The following ASS1 variants were observed in gnomAD, a reference collection of about 807,000 sequenced individuals.
The protein encoded by ASS1 is argininosuccinate synthase.
In ASS1, 58 loss-of-function variants were observed where a neutral mutation model predicts 60.5. The observed-to-expected ratio is 0.96, with a 90% CI of 0.78 to 1.19. The LOEUF (loss-of-function observed/expected upper bound fraction) is 1.19, where lower values mean the gene tolerates loss of function less well. Among genes scored for constraint, ASS1 ranks in the 50% most tolerant of loss-of-function variants. ASS1 has a pLI of 0.00. For missense variants in ASS1, 454 were observed against 547.3 expected (o/e 0.83, Z 1.70); for synonymous variants, 200 against 206.9 (o/e 0.97, Z 0.29).
At position 130,458,564 on chromosome 9, in the gene ASS1, A is replaced by G. The variant is rs146176455; in HGVS notation, c.338A>G (p.Tyr113Cys). 3.1e-6 allele frequency: 5 copies of G among 1,613,126 alleles called. No homozygotes were observed. The highest frequency in any genetic ancestry group is 1.1e-5 in the South Asian group (1 of 91,038). The change falls in exon 4 of 15, where the codon TAT (tyrosine) becomes TGT (cysteine). Residue 113 changes from tyrosine (Y) to cysteine (C), a missense_variant. Tyr to Cys is a radical substitution (Grantham distance 194, BLOSUM62 -2). Coordinates refer to ENST00000352480, the MANE Select transcript of ASS1 (RefSeq NM_054012.4). ...ATCGCCCAGCGGGAGGGGGCCAAGTATGTGTCCCACGGCGCCACAGGAAAG... is the reference window on the plus strand; with the variant it reads ...ATCGCCCAGCGGGAGGGGGCCAAGTGTGTGTCCCACGGCGCCACAGGAAAG... ...VEIAQREGAK[Y>C]VSHGATGKGN...
At chr9:130,446,740 C>T (rs913314143) in intron 1 of ASS1, among the ~76,000 whole-genome samples, 1 of 152,224 alleles carries the variant, frequency 6.6e-6, no homozygotes, top group Non-Finnish European at 1.5e-5. Flanking sequence ...TCATCTTTGG[C>T]CTGCTGGGAG....
intron 1 of ASS1, among the ~76,000 whole-genome samples, chr9:130,447,005 T>C (rs1845211278): frequency 6.6e-6 from 1 of 152,208 alleles, no homozygotes; most frequent in African/African-American, 2.4e-5. Context: ...AATGTGCCCT[T>C]CGTCCATCAC....
In ASS1 at chr9:130,491,867, C is replaced by T. The variant is rs1433360486; in HGVS notation, c.970+2403C>T. 6.6e-6 allele frequency among the ~76,000 whole-genome samples: 1 copy of T among 152,146 alleles called. No homozygotes were observed. Among genetic ancestry groups the T allele is most frequent in the Non-Finnish European group, 1.5e-5 (1 of 68,024 alleles). On this transcript the variant is annotated intron_variant, in intron 12 of 14. Coordinates refer to ENST00000352480, the MANE Select transcript of ASS1 (RefSeq NM_054012.4). This position sits in a 1 kb window ranked among gnomAD's most constrained non-coding sequence, Gnocchi z 5.3. ...CCCTGGTCCGCTGACATGCAGGGCC[C>T]CACAAACATCAAGATCGGCCTCGGG...
chr9:130,471,727 C>A (rs887666633), intron 8 of ASS1, among the ~76,000 whole-genome samples: 2 of 152,244 alleles, frequency 1.3e-5, no homozygotes, highest in Non-Finnish European at 2.9e-5. Context: ...TCCCCCCGCC[C>A]TTCCTCTTCT....
At chr9:130,448,674 G>A (rs575332617) in intron 1 of ASS1, among the ~76,000 whole-genome samples, 10 of 152,150 alleles carry the variant, frequency 6.6e-5, no homozygotes, top group South Asian at 4.1e-4. Context: ...AGCGATTCTC[G>A]TGCCTCAGCC....
Position 130,460,429 on chromosome 9 carries a change from C to T in ASS1, c.363+1840C>T, listed in dbSNP as rs116092815. Among the ~76,000 whole-genome samples the T allele has an allele frequency of 7.0e-3, 1,068 of 152,256 alleles. 15 individuals carry two copies. The highest frequency in any genetic ancestry group is 0.025 in the African/African-American group (1,026 of 41,524). Reference sequence around the variant, plus strand: ...GGCTCATTGCGTACCTTCAGAGAGCCCATTTCCTGGCAAGAGAAGAGAAAA... The same window carrying T: ...GGCTCATTGCGTACCTTCAGAGAGCTCATTTCCTGGCAAGAGAAGAGAAAA... On this transcript the variant is annotated intron_variant, in intron 4 of 14. Transcript: ENST00000352480.
In ASS1 at chr9:130,466,800, G is replaced by A; in HGVS notation, c.495+1G>A. 6.2e-7 allele frequency: 1 copy of A among 1,613,970 alleles called. No homozygotes were observed. Among genetic ancestry groups the A allele is most frequent in the South Asian group, 1.1e-5 (1 of 91,082 alleles). Reference sequence around the variant, plus strand: ...CAATGACCTGATGGAGTACGCAAAGGTATGGCCGAGTCTCCCCACCACCCC... The same window carrying A: ...CAATGACCTGATGGAGTACGCAAAGATATGGCCGAGTCTCCCCACCACCCC... On this transcript the variant is annotated splice_donor_variant, in intron 6 of 14. Coordinates refer to ENST00000352480, the MANE Select transcript of ASS1 (RefSeq NM_054012.4). LOFTEE classifies it high-confidence loss of function.
At chr9:130,466,614 T>C (rs1420699443) in intron 5 of ASS1, 111 bp from the exon 6 acceptor site, 1 of 1,001,688 alleles carries the variant, frequency 1.0e-6, no homozygotes, top group Non-Finnish European at 1.6e-6. Flanking sequence ...TCTGGGGACA[T>C]GCTGGAGACC....
chr9:130,474,201 T>C (rs1372590508), intron 8 of ASS1, among the ~76,000 whole-genome samples: 5 of 151,836 alleles, frequency 3.3e-5, no homozygotes, highest in Non-Finnish European at 7.4e-5. Context: ...AGGCAGGCGC[T>C]CGAGCCACCG....
chr9:130,473,789 G>A (rs868134990), intron 8 of ASS1, among the ~76,000 whole-genome samples: 36 of 152,282 alleles, frequency 2.4e-4, no homozygotes, highest in African/African-American at 7.5e-4. Context: ...GGGCAATGAG[G>A]CAGCTAATGC....
Position 130,478,325 on chromosome 9 carries a change from G to A in ASS1, c.688+1364G>A, listed in dbSNP as rs1316920706. On this transcript the variant is annotated intron_variant, in intron 9 of 14. Coordinates refer to ENST00000352480, the MANE Select transcript of ASS1 (RefSeq NM_054012.4). The surrounding 1 kb of genome is among the most constrained non-coding windows in gnomAD (Gnocchi z 4.7). ...GGAGTGGCCCCAGCAGCACCTCCTG[G>A]CTCCCTGCACAGGGCTCCCAGGAGC... Among the ~76,000 whole-genome samples the A allele has an allele frequency of 6.6e-6, 1 of 152,118 alleles. No individual in the cohort carries two copies. Among genetic ancestry groups the A allele is most frequent in the Non-Finnish European group, 1.5e-5 (1 of 68,010 alleles).
At chr9:130,500,920 A>G in intron 14 of ASS1, 56 bp from the exon 15 acceptor site, 2 of 1,569,380 alleles carry the variant, frequency 1.3e-6, no homozygotes, top group Non-Finnish European at 1.8e-6. Flanking sequence ...AATTGAACCC[A>G]GTGTGTGTTG....
Position 130,499,573 on chromosome 9 carries a change from G to C in ASS1, c.1193+3G>C. 1 of 1,612,834 alleles carries C rather than the reference G, an allele frequency of 6.2e-7. No homozygotes were observed. Among genetic ancestry groups the C allele is most frequent in the Non-Finnish European group, 8.5e-7 (1 of 1,179,450 alleles). On this transcript the variant is annotated splice_donor_region_variant and intron_variant, in intron 14 of 14. Transcript: ENST00000352480. ...TTCATCAACATCAATTCCCTCAGGT[G>C]AGAAGCTCAGGGCCCTGACGGGCCT... is the stretch of plus-strand genomic sequence containing the variant.
At chr9:130,498,053 T>C (rs1846647804) in intron 13 of ASS1, among the ~76,000 whole-genome samples, 1 of 151,664 alleles carries the variant, frequency 6.6e-6, no homozygotes, top group Admixed American at 6.6e-5. Context: ...AGCATGGGAG[T>C]GACTCTGCAG....
chr9:130,479,635 G>C, intron 9 of ASS1, 81 bp from the exon 10 acceptor site: 1 of 1,114,266 alleles, frequency 9.0e-7, no homozygotes, highest in Non-Finnish European at 1.4e-6. Flanking sequence ...GTTTCGGGAG[G>C]AGGGAGAGGG....
In ASS1 at chr9:130,476,920, C is replaced by A. The variant is rs1043964127; in HGVS notation, c.647C>A (p.Ala216Asp). ...ACGAAGACCCAGGACCCAGCCAAAG[C>A]CCCCAACACCCCTGACATTCTCGAG... ...LYTKTQDPAK[A>D]PNTPDILEIE... Residue 216 changes from alanine (A) to aspartate (D), a missense_variant, in exon 9 of 15, where the codon GCC becomes GAC. Transcript: ENST00000352480. The surrounding 1 kb of genome is among the most constrained non-coding windows in gnomAD (Gnocchi z 4.9). 6.8e-6 allele frequency: 11 copies of A among 1,614,110 alleles called. No individual in the cohort carries two copies. The highest frequency in any genetic ancestry group is 1.3e-5 in the African/African-American group (1 of 75,032).
At position 130,486,535 on chromosome 9, in the gene ASS1, A is replaced by G. The variant is rs528227439; in HGVS notation, c.839-2798A>G. Among the ~76,000 whole-genome samples the G allele has an allele frequency of 1.2e-3, 178 of 152,156 alleles. 1 individual carries two copies. The highest frequency in any genetic ancestry group is 4.1e-3 in the African/African-American group (172 of 41,504). On this transcript the variant is annotated intron_variant, in intron 11 of 14. Coordinates refer to ENST00000352480, the MANE Select transcript of ASS1 (RefSeq NM_054012.4). Reference sequence around the variant, plus strand: ...CTCTGCAGAAAATGATGACGGACCCATTTGAACTGTTTTACAAGAGTCACG... The same window carrying G: ...CTCTGCAGAAAATGATGACGGACCCGTTTGAACTGTTTTACAAGAGTCACG...
In ASS1 at chr9:130,464,945, C is replaced by T. The variant is rs115680246; in HGVS notation, c.420+778C>T. Among the ~76,000 whole-genome samples, 1,181 of 150,830 alleles carry T rather than the reference C, an allele frequency of 7.8e-3. 21 individuals carry two copies. Among genetic ancestry groups the T allele is most frequent in the African/African-American group, 0.027 (1,100 of 41,080 alleles). On this transcript the variant is annotated intron_variant, in intron 5 of 14. Transcript: ENST00000352480. The stretch of plus-strand genomic sequence containing the variant: ...GCAGTGGGAGTTTGAGGCACACTGC[C>T]GCTGCAAGCTGCCCAATTTTTCTAG...
At chr9:130,452,170 C>CG in intron 1 of ASS1, 54 bp from the exon 2 acceptor site, 3 of 1,488,246 alleles carry the variant, frequency 2.0e-6, no homozygotes, top group Non-Finnish European at 9.3e-7. Flanking sequence ...CAGGGGCTGG[C>CG]GGGGGGCACT....
Sources: gnomAD v4.1 joint callset for allele counts (sites outside exome capture counted in the v4.1 genomes callset) on GRCh38, gnomAD v4.1.1 for gene constraint, Gnocchi (gnomAD v3.1) non-coding constraint, MANE v1.5 for transcripts, NCBI Gene and HGNC (gene_info 2026-07-23, HGNC 2026-07-21) for gene names.